NRXN1: variants seen among roughly 807,000 people sequenced by gnomAD.
NRXN1 encodes the protein neurexin-1.
Under a neutral mutation model 150.9 loss-of-function variants are expected in NRXN1, and 39 were observed. The ratio of observed to expected loss-of-function variants is 0.26; its 90% CI spans 0.20 to 0.34. The LOEUF is 0.34. NRXN1 is among the 10% of genes least tolerant of loss of function. The pLI, the probability that NRXN1 is intolerant of heterozygous loss-of-function variation, is 1.00. For missense variants in NRXN1, 1,815 were observed against 1,949.9 expected, an observed-to-expected ratio of 0.93 and a Z score of 1.30; for synonymous variants, 924 against 757.0, an observed-to-expected ratio of 1.22 and a Z score of -3.62.
intron 8 of NRXN1, among the ~76,000 whole-genome samples, chr2:50,562,807 G>C (rs1669300267): frequency 6.6e-6 from 1 of 152,064 alleles, no homozygotes; most frequent in African/African-American, 2.4e-5. Context: ...CTATGGCTGA[G>C]CACGCTGTTC....
Position 50,830,936 on chromosome 2 carries a change from T to C in NRXN1, c.832+90933A>G, listed in dbSNP as rs146971940. Among the ~76,000 whole-genome samples, 275 of 152,164 alleles carry C rather than the reference T, an allele frequency of 1.8e-3. 3 individuals carry two copies. Among genetic ancestry groups the C allele is most frequent in the African/African-American group, 6.1e-3 (255 of 41,494 alleles). ...TCGTAGCAGCGCTATTTATTTGTAT[T>C]ACTTTTATTTTTATGTTTTATTTTT... On this transcript the variant is annotated intron_variant, in intron 5 of 22. Coordinates refer to ENST00000401669, the MANE Select transcript of NRXN1 (RefSeq NM_001330078.2).
At chr2:50,042,822 G>A (rs1167664225) in intron 21 of NRXN1, among the ~76,000 whole-genome samples, 3 of 152,056 alleles carry the variant, frequency 2.0e-5, no homozygotes, top group Non-Finnish European at 4.4e-5. Flanking sequence ...TTTCCAAAGT[G>A]CTATGAAAAC....
At chr2:50,555,775 T>C (rs1391069534) in intron 8 of NRXN1, among the ~76,000 whole-genome samples, 1 of 152,214 alleles carries the variant, frequency 6.6e-6, no homozygotes. Flanking sequence ...AACTAATTAC[T>C]ATTTTGCCCT....
intron 5 of NRXN1, among the ~76,000 whole-genome samples, chr2:50,816,791 C>T (rs1016774241): frequency 6.6e-5 from 10 of 152,094 alleles, no homozygotes; most frequent in African/African-American, 1.7e-4. Flanking sequence ...ACAAGTAGAA[C>T]TTTTGTTGAG....
At chr2:50,029,363 G>A (rs1054558927) in intron 21 of NRXN1, among the ~76,000 whole-genome samples, 31 of 152,108 alleles carry the variant, frequency 2.0e-4, no homozygotes, top group African/African-American at 3.6e-4. Flanking sequence ...CAGTCACTAC[G>A]GACTGAATTA....
chr2:50,037,608 A>G (rs1478337894), intron 21 of NRXN1, among the ~76,000 whole-genome samples: 1 of 152,246 alleles, frequency 6.6e-6, no homozygotes, highest in Admixed American at 6.5e-5. Context: ...GTGCTGGCTT[A>G]CCACATCATA....
intron 19 of NRXN1, among the ~76,000 whole-genome samples, chr2:50,059,389 A>G (rs777593388): frequency 6.6e-6 from 1 of 152,216 alleles, no homozygotes. Context: ...ATTCAGTTTT[A>G]TTCATTTATA....
At chr2:51,000,708 C>A (rs1324734279) in intron 2 of NRXN1, among the ~76,000 whole-genome samples, 1 of 151,662 alleles carries the variant, frequency 6.6e-6, no homozygotes, top group African/African-American at 2.4e-5. Context: ...TTCTCAATTT[C>A]TTTAATTTTA....
intron 5 of NRXN1, among the ~76,000 whole-genome samples, chr2:50,718,275 G>A (rs1696126807): frequency 6.6e-6 from 1 of 152,074 alleles, no homozygotes; most frequent in African/African-American, 2.4e-5. Flanking sequence ...TTGGGCATAA[G>A]TGCATGAGTA....
chr2:50,001,408 T>C (rs184092807), intron 21 of NRXN1, among the ~76,000 whole-genome samples: 39 of 152,244 alleles, frequency 2.6e-4, no homozygotes, highest in African/African-American at 8.4e-4. Context: ...ATACTAAAAT[T>C]CTTTAATCAC....
At chr2:50,351,079 C>T (rs1246450009) in intron 17 of NRXN1, among the ~76,000 whole-genome samples, 1 of 152,102 alleles carries the variant, frequency 6.6e-6, no homozygotes, top group Non-Finnish European at 1.5e-5. Flanking sequence ...GCAAATAAAG[C>T]TTGTGTGTAC....
At chr2:50,327,337 T>C (rs1558531236) in intron 17 of NRXN1, among the ~76,000 whole-genome samples, 1 of 151,992 alleles carries the variant, frequency 6.6e-6, no homozygotes, top group Non-Finnish European at 1.5e-5. Flanking sequence ...ACAGGGAAAA[T>C]CACTTATGAT....
At chr2:50,921,577 A>T (rs974659996) in intron 5 of NRXN1, among the ~76,000 whole-genome samples, 3 of 151,786 alleles carry the variant, frequency 2.0e-5, no homozygotes, top group Admixed American at 6.6e-5. Context: ...AAGTACCATT[A>T]AATGATACTG....
Position 50,611,991 on chromosome 2 carries a change from C to A in NRXN1, c.1320+8031G>T, listed in dbSNP as rs1041474191. Among the ~76,000 whole-genome samples, 6 of 152,248 alleles carry A rather than the reference C, an allele frequency of 3.9e-5. No individual in the cohort carries two copies. In the East Asian group the frequency reaches 9.7e-4, roughly 25 times the overall value. On this transcript the variant is annotated intron_variant, in intron 8 of 22. Coordinates refer to ENST00000401669, the MANE Select transcript of NRXN1 (RefSeq NM_001330078.2). ...GTTTTCTTTTCCCTAAAGGTTCCTA[C>A]GAAGCTCATTTCGTCTAATTTTATC...
chr2:50,155,987 G>T (rs2058994794), intron 18 of NRXN1, among the ~76,000 whole-genome samples: 1 of 151,472 alleles, frequency 6.6e-6, no homozygotes, highest in Non-Finnish European at 1.5e-5. Context: ...AAAAATCTAA[G>T]TTAATTCACA....
chr2:50,115,596 C>T (rs777414226), intron 18 of NRXN1, among the ~76,000 whole-genome samples: 11 of 151,896 alleles, frequency 7.2e-5, no homozygotes, highest in Non-Finnish European at 1.6e-4. Flanking sequence ...CCAGTCCTGT[C>T]CAACTGCACA....
intron 5 of NRXN1, among the ~76,000 whole-genome samples, chr2:50,852,576 C>T (rs941333553): frequency 1.3e-5 from 2 of 152,082 alleles, no homozygotes; most frequent in African/African-American, 4.8e-5. Context: ...TTCTGTTTTA[C>T]TGCTTAAGAA....
intron 5 of NRXN1, among the ~76,000 whole-genome samples, chr2:50,805,158 G>A (rs1360070747): frequency 6.6e-6 from 1 of 151,794 alleles, no homozygotes; most frequent in Non-Finnish European, 1.5e-5. Flanking sequence ...ATCTTTCATT[G>A]AATTAAAAAT....
At chr2:50,715,835 G>T (rs189306448) in intron 5 of NRXN1, among the ~76,000 whole-genome samples, 11 of 152,188 alleles carry the variant, frequency 7.2e-5, no homozygotes, top group Admixed American at 6.5e-4. Context: ...TCCATATATT[G>T]ATCTCTTTTC....
Sources: gnomAD v4.1 joint callset for allele counts (sites outside exome capture counted in the v4.1 genomes callset) on GRCh38, gnomAD v4.1.1 for gene constraint, MANE v1.5 for transcripts, NCBI Gene and HGNC (gene_info 2026-07-23, HGNC 2026-07-21) for gene names.